Variants in ESYT2 observed in about 807,000 individuals in gnomAD.
The protein encoded by ESYT2 is extended synaptotagmin 2.
ESYT2 carries 54 observed loss-of-function variants against 107.2 expected under a neutral mutation model. The ratio of observed to expected loss-of-function variants is 0.50; its 90% CI spans 0.40 to 0.63. The LOEUF is 0.63. Ranked by LOEUF, ESYT2 falls within the 30% of genes least tolerant of loss-of-function variation. ESYT2 has a pLI of 0.00. For synonymous variants in ESYT2, 491 were observed against 434.1 expected (o/e 1.13, Z -1.63); for missense variants, 1,020 against 1,094.5 (o/e 0.93, Z 0.96).
chr7:158,763,153 C>A lies in ESYT2; in HGVS notation c.1114G>T (p.Glu372Ter). The change falls in exon 10 of 23, where the codon GAA becomes TAA. Residue 372 changes from glutamate to a stop codon, truncating the protein, a stop_gained. Coordinates refer to ENST00000275418, the MANE Select transcript of ESYT2 (RefSeq NM_001367773.1). LOFTEE classifies it high-confidence loss of function. ...ATCTCTAATTCTTGTCCAGGATGTTCATACACTAAAGCCTAAAACATCAAT... is the reference window on the plus strand; with the variant it reads ...ATCTCTAATTCTTGTCCAGGATGTTAATACACTAAAGCCTAAAACATCAAT... The part of the protein sequence containing the change: ...WNEVYEALVY[E>*]HPGQELEIEL... 2 of 1,612,560 alleles carry A rather than the reference C, an allele frequency of 1.2e-6. No homozygotes were observed. The highest frequency in any genetic ancestry group is 2.2e-5 in the South Asian group (2 of 90,920).
chr7:158,773,292 A>T (rs1215632664), intron 7 of ESYT2, 49 bp downstream of exon 7: 1 of 1,604,722 alleles, frequency 6.2e-7, no homozygotes. Flanking sequence ...TCCAAAATGC[A>T]CAACACGCCC....
chr7:158,822,816 A>G (rs1261312681), intron 1 of ESYT2, among the ~76,000 whole-genome samples: 1 of 151,902 alleles, frequency 6.6e-6, no homozygotes, highest in Non-Finnish European at 1.5e-5. Context: ...AGTTAAAAAT[A>G]TTTACCTAGT....
Position 158,813,488 on chromosome 7 carries a change from G to A in ESYT2, c.331-14416C>T, listed in dbSNP as rs532324984. ...AGCAAAGGAAGTTGTAAGAAGGGAT[G>A]TGGGGGCTCTGTATTATCTGCTCAA... On this transcript the variant is annotated intron_variant, in intron 1 of 22. Transcript: ENST00000275418. 1.5e-4 allele frequency among the ~76,000 whole-genome samples: 23 copies of A among 152,378 alleles called. No homozygotes were observed. In the South Asian group the frequency reaches 4.1e-3, roughly 27 times the overall value.
chr7:158,802,572 C>A (rs1839677050), intron 1 of ESYT2, among the ~76,000 whole-genome samples: 1 of 152,172 alleles, frequency 6.6e-6, no homozygotes, highest in Non-Finnish European at 1.5e-5. Context: ...TGAGCCACCA[C>A]ACCAGGCTGA....
At chr7:158,763,195 C>A in intron 9 of ESYT2, 30 bp from the exon 10 acceptor site, 1 of 1,538,248 alleles carries the variant, frequency 6.5e-7, no homozygotes, top group Non-Finnish European at 9.0e-7. Flanking sequence ...TAGTTAAGTG[C>A]ATTTTTACTA....
At chr7:158,781,061 G>A (rs1387941635) in intron 6 of ESYT2, among the ~76,000 whole-genome samples, 1 of 152,232 alleles carries the variant, frequency 6.6e-6, no homozygotes, top group Non-Finnish European at 1.5e-5. Flanking sequence ...GAGTGTGTGA[G>A]AACATAAGAG....
At chr7:158,744,408 A>C (rs1309731378) in intron 16 of ESYT2, among the ~76,000 whole-genome samples, 1 of 152,252 alleles carries the variant, frequency 6.6e-6, no homozygotes. Flanking sequence ...GTGGCAATAC[A>C]CACTCATAAC....
intron 8 of ESYT2, 75 bp from the exon 9 acceptor site, chr7:158,764,928 T>A (rs1014717620): frequency 2.1e-6 from 3 of 1,427,832 alleles, no homozygotes; most frequent in Non-Finnish European, 2.9e-6. Context: ...GCTACGCACC[T>A]AACCCCGTCT....
chr7:158,758,374 A>G (rs758137522), intron 13 of ESYT2, among the ~76,000 whole-genome samples: 2 of 152,226 alleles, frequency 1.3e-5, no homozygotes, highest in Non-Finnish European at 2.9e-5. Context: ...ATCGTGAACT[A>G]TGAAGCGTAG....
At chr7:158,821,756 C>T (rs1482730130) in intron 1 of ESYT2, among the ~76,000 whole-genome samples, 1 of 152,182 alleles carries the variant, frequency 6.6e-6, no homozygotes, top group Non-Finnish European at 1.5e-5. Context: ...GAGTTACAAC[C>T]CTATCAGAAC....
intron 13 of ESYT2, among the ~76,000 whole-genome samples, chr7:158,758,560 G>A (rs1385878510): frequency 6.6e-6 from 1 of 152,142 alleles, no homozygotes. Context: ...CACTTGGGTG[G>A]ATGAGTATTT....
chr7:158,773,075 C>CTTTG (rs1401709573), intron 7 of ESYT2, among the ~76,000 whole-genome samples: 1 of 152,106 alleles, frequency 6.6e-6, no homozygotes, highest in Non-Finnish European at 1.5e-5. Flanking sequence ...AGGAAGACAC[C>CTTTG]TTGTGGTGAA....
intron 1 of ESYT2, among the ~76,000 whole-genome samples, chr7:158,816,119 A>G (rs1474250916): frequency 6.6e-6 from 1 of 152,232 alleles, no homozygotes; most frequent in Non-Finnish European, 1.5e-5. Context: ...TGCCATCTCC[A>G]GTATCCTTAA....
Position 158,739,115 on chromosome 7 carries a change from C to A in ESYT2, c.2175G>T (p.Thr725=). 6.2e-7 allele frequency: 1 copy of A among 1,613,796 alleles called. No individual in the cohort carries two copies. Among genetic ancestry groups the A allele is most frequent in the South Asian group, 1.1e-5 (1 of 90,998 alleles). The part of the protein sequence containing the change: ...RQRLRQLENG[T]TLGQSPLGQI... The stretch of plus-strand genomic sequence containing the variant: ...GCCCCAGTGGAGACTGTCCCAGGGT[C>A]GTCCCGCTGTGGGAAAAGAGCAGAA... Residue 725 remains threonine (T), a synonymous_variant, in exon 19 of 23, where the codon ACG becomes ACT. Transcript: ENST00000275418.
At chr7:158,785,998 G>T (rs530518433) in intron 6 of ESYT2, among the ~76,000 whole-genome samples, 1 of 152,120 alleles carries the variant, frequency 6.6e-6, no homozygotes, top group Non-Finnish European at 1.5e-5. Flanking sequence ...GCAGCCAGCT[G>T]TAACTCTGTT....
intron 12 of ESYT2, 25 bp downstream of exon 12, chr7:158,760,033 T>C: frequency 6.2e-7 from 1 of 1,612,178 alleles, no homozygotes; most frequent in Non-Finnish European, 8.5e-7. Context: ...TAGGTAGTTT[T>C]CAAGAGCACA....
chr7:158,741,836 G>A lies in ESYT2; in HGVS notation c.1855C>T (p.Arg619Cys), dbSNP rs761648135. The A allele has an allele frequency of 9.9e-6, 16 of 1,613,826 alleles. No homozygotes were observed. The African/African-American group carries it at 1.1e-4, about 11-fold the overall frequency. ...PDHQHSAQVK[R>C]PSVSKEGRKT... ...CTCCCCTCTTTGGACACAGAGGGAC[G>A]TTTGACTTGAGCTGAGTGTTGGTGG... The change falls in exon 18 of 23, where the codon CGT (arginine) becomes TGT (cysteine). Residue 619 changes from arginine to cysteine, a missense_variant. Transcript: ENST00000275418.
At chr7:158,741,981 G>A in intron 17 of ESYT2, 85 bp from the exon 18 acceptor site, 4 of 1,423,648 alleles carry the variant, frequency 2.8e-6, no homozygotes, top group Admixed American at 2.6e-5. Context: ...GTCTTTACCT[G>A]CAAAAATTTC....
chr7:158,746,766 C>A (rs1341227000), intron 16 of ESYT2, among the ~76,000 whole-genome samples: 1 of 152,186 alleles, frequency 6.6e-6, no homozygotes, highest in African/African-American at 2.4e-5. Flanking sequence ...GGCACCGTGG[C>A]TCACAACTGC....
Sources: gnomAD v4.1 joint callset for allele counts (sites outside exome capture counted in the v4.1 genomes callset) on GRCh38, gnomAD v4.1.1 for gene constraint, MANE v1.5 for transcripts, NCBI Gene and HGNC (gene_info 2026-07-23, HGNC 2026-07-21) for gene names.